The following TMEM182 variants were observed in gnomAD, a reference collection of about 807,000 sequenced individuals.
TMEM182 encodes the protein transmembrane protein 182.
Under a neutral mutation model 26.8 loss-of-function variants are expected in TMEM182, and 20 were observed. The observed-to-expected ratio is 0.75, with a 90% CI of 0.53 to 1.09. The LOEUF (loss-of-function observed/expected upper bound fraction) is 1.09, where lower values mean the gene tolerates loss of function less well. Ranked by LOEUF, TMEM182 falls within the 50% of genes least tolerant of loss-of-function variation. TMEM182 has a pLI of 0.00. For synonymous variants in TMEM182, 109 were observed against 102.2 expected (o/e 1.07, Z -0.40); for missense variants, 277 against 275.5 (o/e 1.01, Z -0.04).
intron 3 of TMEM182, among the ~76,000 whole-genome samples, chr2:102,794,809 A>C (rs1681801346): frequency 6.6e-6 from 1 of 152,016 alleles, no homozygotes; most frequent in African/African-American, 2.4e-5. Context: ...GAGTTTGCTG[A>C]GTATCCTGTA....
chr2:102,812,443 T>C (rs1682590388), intron 4 of TMEM182, among the ~76,000 whole-genome samples: 1 of 149,614 alleles, frequency 6.7e-6, no homozygotes, highest in African/African-American at 2.5e-5. Flanking sequence ...GTTTACCCCA[T>C]GGGTGAGATA....
intron 3 of TMEM182, among the ~76,000 whole-genome samples, chr2:102,795,176 A>G (rs1681816426): frequency 6.6e-6 from 1 of 152,072 alleles, no homozygotes; most frequent in Non-Finnish European, 1.5e-5. Flanking sequence ...CTTTATATTT[A>G]TTTCAAGAGT....
At chr2:102,838,721 G>T (rs1683294992) in intron 3 of TMEM182, among the ~76,000 whole-genome samples, 1 of 152,166 alleles carries the variant, frequency 6.6e-6, no homozygotes, top group African/African-American at 2.4e-5. Flanking sequence ...GTGTTCTGGG[G>T]TTCTGTGGGG....
chr2:102,837,235 GT>G (rs1057022500), intron 3 of TMEM182, among the ~76,000 whole-genome samples: 57 of 151,156 alleles, frequency 3.8e-4, no homozygotes, highest in Non-Finnish European at 6.8e-4. Flanking sequence ...AAGTTTGTGG[GT>G]TTTTTTTTGT....
rs564325540 is a variant in TMEM182 at position 102,793,610 on chromosome 2, T to C, written c.332-4253T>C. ...TGGCATAGTATTTGCATATAACTTA[T>C]GCACATCCTCCTGTATACTTTAAAT... On this transcript the variant is annotated intron_variant, in intron 3 of 4. Transcript: ENST00000412401. 3.9e-5 allele frequency among the ~76,000 whole-genome samples: 6 copies of C among 152,354 alleles called. No individual in the cohort carries two copies. In the East Asian group the frequency reaches 1.2e-3, roughly 29 times the overall value.
chr2:102,834,139 T>G (rs1472831791), intron 3 of TMEM182, among the ~76,000 whole-genome samples: 1 of 152,230 alleles, frequency 6.6e-6, no homozygotes, highest in Non-Finnish European at 1.5e-5. Flanking sequence ...TTAATTTCCC[T>G]GCTCTACGAA....
intron 4 of TMEM182, among the ~76,000 whole-genome samples, chr2:102,811,058 CAAAAAAAAAAA>C (rs10629082): frequency 5.3e-5 from 5 of 94,466 alleles, no homozygotes; most frequent in Non-Finnish European, 1.0e-4. Flanking sequence ...TCCTCTATAG[CAAAAAAAAAAA>C]AAAAAAAAAA....
intron 4 of TMEM182, 82 bp downstream of exon 4, chr2:102,798,082 C>T (rs1681959005): frequency 6.7e-7 from 1 of 1,497,484 alleles, no homozygotes; most frequent in African/African-American, 1.4e-5. Context: ...ATTCAGGCGT[C>T]AGCCTTCTAG....
chr2:102,742,486 G>A (rs1481469533), intron 1 of TMEM182, among the ~76,000 whole-genome samples: 1 of 152,130 alleles, frequency 6.6e-6, no homozygotes, highest in African/African-American at 2.4e-5. Context: ...ATATCAAAAG[G>A]TTAAGAAAGA....
upstream of TMEM182, among the ~76,000 whole-genome samples, chr2:102,758,145 C>T (rs115334214): frequency 5.6e-3 from 854 of 152,108 alleles, 13 homozygotes; most frequent in African/African-American, 0.02. Flanking sequence ...GCAATGGAGC[C>T]GTTTTATTAT....
intron 4 of TMEM182, among the ~76,000 whole-genome samples, chr2:102,814,473 C>T (rs1011908865): frequency 1.4e-4 from 22 of 152,094 alleles, no homozygotes; most frequent in Admixed American, 8.5e-4. Context: ...TGTTCACAAG[C>T]ACTTACTACA....
At chr2:102,834,678 T>C (rs371406987) in intron 3 of TMEM182, among the ~76,000 whole-genome samples, 2 of 152,198 alleles carry the variant, frequency 1.3e-5, no homozygotes, top group East Asian at 3.8e-4. Context: ...ATACTTAGTC[T>C]GCTGGTCAGG....
chr2:102,823,773 G>A (rs902935544), intron 3 of TMEM182, among the ~76,000 whole-genome samples: 1 of 152,204 alleles, frequency 6.6e-6, no homozygotes, highest in African/African-American at 2.4e-5. Context: ...GTGAAGCAAT[G>A]TCAATAGCAC....
At chr2:102,838,589 C>A (rs1435833492) in intron 3 of TMEM182, among the ~76,000 whole-genome samples, 1 of 152,092 alleles carries the variant, frequency 6.6e-6, no homozygotes, top group East Asian at 1.9e-4. Context: ...AATGGGGTGC[C>A]CCTTTCATTT....
At chr2:102,777,577 G>C (rs184358628) in intron 3 of TMEM182, among the ~76,000 whole-genome samples, 1 of 151,848 alleles carries the variant, frequency 6.6e-6, no homozygotes, top group South Asian at 2.1e-4. Flanking sequence ...GTCAGTCTTC[G>C]TTTTTCTACT....
chr2:102,743,878 A>G (rs955317019), intron 1 of TMEM182, among the ~76,000 whole-genome samples: 8 of 152,250 alleles, frequency 5.3e-5, no homozygotes, highest in Non-Finnish European at 7.3e-5. Context: ...AGAGTACTGC[A>G]TAACGATGAA....
chr2:102,739,625 C>T (rs951754109), intron 1 of TMEM182, among the ~76,000 whole-genome samples: 2 of 152,178 alleles, frequency 1.3e-5, no homozygotes, highest in Non-Finnish European at 2.9e-5. Flanking sequence ...GCTCCTGCCA[C>T]GTGAGATGCC....
chr2:102,813,994 A>AT (rs1028758003), intron 4 of TMEM182, among the ~76,000 whole-genome samples: 1 of 148,496 alleles, frequency 6.7e-6, no homozygotes, highest in African/African-American at 2.5e-5. Context: ...CTAATCCATG[A>AT]TTTTATATTA....
chr2:102,800,677 A>T (rs886071402), intron 4 of TMEM182, among the ~76,000 whole-genome samples: 22 of 151,512 alleles, frequency 1.5e-4, no homozygotes, highest in African/African-American at 4.9e-4. Flanking sequence ...TTGTAACCAC[A>T]GTTTTTCAAT....
Sources: allele counts gnomAD v4.1 joint callset (sites outside exome capture counted in the v4.1 genomes callset), GRCh38; gene constraint gnomAD v4.1.1; transcripts MANE v1.5; gene names NCBI Gene and HGNC (gene_info 2026-07-23, HGNC 2026-07-21).